HECW1: variants seen among roughly 807,000 people sequenced by gnomAD.
The protein encoded by HECW1 is HECT, C2 and WW domain containing E3 ubiquitin protein ligase 1.
In HECW1, 61 loss-of-function variants were observed where a neutral mutation model predicts 182.3. That is an observed-to-expected ratio of 0.33 (90% confidence interval 0.27 to 0.41). HECW1 has a LOEUF of 0.41. HECW1 is among the 10% of genes least tolerant of loss of function. HECW1 has a pLI of 1.00. For synonymous variants in HECW1, 859 were observed against 832.6 expected (o/e 1.03, Z -0.55); for missense variants, 1,739 against 2,108.9 (o/e 0.82, Z 3.44).
intron 2 of HECW1, among the ~76,000 whole-genome samples, chr7:43,220,545 C>T (rs531423142): frequency 2.0e-5 from 3 of 152,162 alleles, no homozygotes; most frequent in Non-Finnish European, 4.4e-5. Context: ...AGCTAACTAG[C>T]AGCCCACCAG....
At chr7:43,460,528 GT>G (rs1286593697) in intron 13 of HECW1, among the ~76,000 whole-genome samples, 1 of 152,016 alleles carries the variant, frequency 6.6e-6, no homozygotes, top group African/African-American at 2.4e-5. Flanking sequence ...TTGTACGTGT[GT>G]GTGCGCGCGT....
rs1309647400 is a variant in HECW1, at chr7:43,114,321, A to G, written c.-102A>G. ...AAAGACCCCGGCAGTGTTGTGGTCC[A>G]AGGCGTCTCAAAGCAGGTGGCCAGA... On this transcript the variant is annotated 5_prime_UTR_variant, in exon 2 of 30. Transcript: ENST00000395891. 2.9e-6 allele frequency: 4 copies of G among 1,361,484 alleles called. No individual in the cohort carries two copies. The East Asian group carries it at 1.4e-4, about 48-fold the overall frequency. 84.3% of individuals were successfully genotyped at this position (1,361,484 alleles called of 1,614,324 possible). A position where few individuals can be genotyped will look rare whatever the true frequency, so the allele number is the denominator to read the frequency against.
intron 2 of HECW1, among the ~76,000 whole-genome samples, chr7:43,189,171 A>C (rs1290678821): frequency 6.6e-6 from 1 of 152,224 alleles, no homozygotes; most frequent in African/African-American, 2.4e-5. Context: ...ATAATATTAT[A>C]AAATATAAGG....
intron 6 of HECW1, among the ~76,000 whole-genome samples, chr7:43,395,708 A>G (rs1395402258): frequency 6.6e-6 from 1 of 152,206 alleles, no homozygotes; most frequent in African/African-American, 2.4e-5. Flanking sequence ...GCAGCAGCCA[A>G]GCTCACAGGC....
At position 43,455,518 on chromosome 7, in the gene HECW1, A is replaced by G. The variant is rs2152887920; in HGVS notation, c.2501-779A>G. 2.6e-5 allele frequency among the ~76,000 whole-genome samples: 4 copies of G among 152,326 alleles called. 1 individual carries two copies. Among genetic ancestry groups the G allele is most frequent in the Admixed American group, 2.6e-4 (4 of 15,298 alleles). ...CTAATCGCCCTCTGTTAGACTTAGC[A>G]AAGAAAGCATTCTCCAGCATCACAG... On this transcript the variant is annotated intron_variant, in intron 12 of 29. Coordinates refer to ENST00000395891, the MANE Select transcript of HECW1 (RefSeq NM_015052.5).
At chr7:43,560,857 T>C (rs1451716123) in intron 29 of HECW1, among the ~76,000 whole-genome samples, 1 of 152,266 alleles carries the variant, frequency 6.6e-6, no homozygotes, top group East Asian at 1.9e-4. Context: ...TGCCCTTTTC[T>C]GTGCTGGTTG....
chr7:43,439,731 T>C (rs2076823474), intron 9 of HECW1: 1 of 152,422 alleles, frequency 6.6e-6, no homozygotes, highest in African/African-American at 2.4e-5. Context: ...CCTATCTTCT[T>C]AGCACTGTCC....
intron 13 of HECW1, among the ~76,000 whole-genome samples, chr7:43,457,646 G>A (rs972458575): frequency 1.6e-4 from 24 of 151,928 alleles, no homozygotes; most frequent in African/African-American, 5.8e-4. Flanking sequence ...GTGGTGGCAG[G>A]CACCTGTAAT....
chr7:43,361,078 G>T, intron 6 of HECW1, 98 bp downstream of exon 6: 1 of 729,106 alleles, frequency 1.4e-6, no homozygotes, highest in Non-Finnish European at 2.4e-6. Context: ...GTGTGTGTGT[G>T]TGTGTGTGTG....
intron 24 of HECW1, among the ~76,000 whole-genome samples, chr7:43,530,547 A>G (rs1374667128): frequency 6.6e-6 from 1 of 151,988 alleles, no homozygotes; most frequent in Non-Finnish European, 1.5e-5. Context: ...AAAGACAGAT[A>G]TAATTTTATA....
chr7:43,398,616 A>T (rs2075307140), intron 7 of HECW1, among the ~76,000 whole-genome samples: 1 of 146,632 alleles, frequency 6.8e-6, no homozygotes, highest in Non-Finnish European at 1.5e-5. Context: ...TAGGCTGAAG[A>T]AAAAAAAAAA....
chr7:43,388,441 T>C (rs7801372), intron 6 of HECW1, among the ~76,000 whole-genome samples: 18,822 of 152,164 alleles, frequency 0.12, 1,316 homozygotes, highest in East Asian at 0.22. Context: ...GATTTTCATA[T>C]TGCCAAGCTA....
At position 43,247,815 on chromosome 7, in the gene HECW1, GAA is replaced by G. The variant is rs1292375046; in HGVS notation, c.27+3885_27+3886del. ...AAAAGAAGGAGGGAAGGAAAGAAAA[GAA>G]AGAGAGAGAAAGGTAAGAAGGAAGG... On this transcript the variant is annotated intron_variant, in intron 3 of 29. Coordinates refer to ENST00000395891, the MANE Select transcript of HECW1 (RefSeq NM_015052.5). 1.3e-4 allele frequency among the ~76,000 whole-genome samples: 16 copies of G among 127,692 alleles called. 1 individual carries two copies. The highest frequency in any genetic ancestry group is 5.5e-4 in the African/African-American group (16 of 28,930). The allele number at this position is 127,692 out of a possible 152,430, so 83.8% of individuals were successfully genotyped here. A position where few individuals can be genotyped will look rare whatever the true frequency, so the allele number is the denominator to read the frequency against.
chr7:43,164,625 C>T (rs1790904866), intron 2 of HECW1, among the ~76,000 whole-genome samples: 1 of 152,214 alleles, frequency 6.6e-6, no homozygotes, highest in South Asian at 2.1e-4. Flanking sequence ...GGCCAGCAGC[C>T]ATGGCACAGT....
chr7:43,519,994 A>C (rs2080381024), intron 24 of HECW1, among the ~76,000 whole-genome samples: 2 of 152,204 alleles, frequency 1.3e-5, no homozygotes, highest in African/African-American at 4.8e-5. Flanking sequence ...GGAGAAGCCA[A>C]AGTCTATATA....
intron 5 of HECW1, among the ~76,000 whole-genome samples, chr7:43,328,913 C>T (rs1208969035): frequency 1.3e-5 from 2 of 152,182 alleles, no homozygotes; most frequent in African/African-American, 2.4e-5. Context: ...ATAACAGATA[C>T]AGCTGTCTCT....
intron 24 of HECW1, among the ~76,000 whole-genome samples, chr7:43,516,238 T>C (rs2080142460): frequency 6.6e-6 from 1 of 151,720 alleles, no homozygotes; most frequent in South Asian, 2.1e-4. Context: ...TCAGTAAATA[T>C]GTGTGGAAGG....
chr7:43,474,400 G>A (rs2152903320), intron 16 of HECW1, among the ~76,000 whole-genome samples: 1 of 152,268 alleles, frequency 6.6e-6, no homozygotes, highest in Middle Eastern at 3.4e-3. Flanking sequence ...AGTGAGCCGA[G>A]ATGGCGCCAC....
chr7:43,364,803 T>A (rs1395997373), intron 6 of HECW1, among the ~76,000 whole-genome samples: 1 of 152,278 alleles, frequency 6.6e-6, no homozygotes, highest in Non-Finnish European at 1.5e-5. Context: ...TCACGTTTTA[T>A]GTCTTTCTTT....
Sources: gnomAD v4.1 joint callset for allele counts (sites outside exome capture counted in the v4.1 genomes callset) on GRCh38, gnomAD v4.1.1 for gene constraint, MANE v1.5 for transcripts, NCBI Gene and HGNC (gene_info 2026-07-23, HGNC 2026-07-21) for gene names.